The following WHRN variants were observed in gnomAD, a reference collection of about 807,000 sequenced individuals.
WHRN encodes CASK-interacting protein CIP98.
A neutral mutation model predicts 68.3 loss-of-function variants in WHRN; 41 were observed. The ratio of observed to expected loss-of-function variants is 0.60; its 90% CI spans 0.47 to 0.78. The LOEUF (loss-of-function observed/expected upper bound fraction) is 0.78, where lower values mean the gene tolerates loss of function less well. Ranked by LOEUF, WHRN falls within the 30% of genes least tolerant of loss-of-function variation. WHRN has a pLI of 0.00. For synonymous variants in WHRN, 560 were observed against 561.3 expected (o/e 1.00, Z 0.03); for missense variants, 1,243 against 1,244.7 (o/e 1.00, Z 0.02).
At chr9:114,438,903 C>T (rs1421581762) in intron 3 of WHRN, among the ~76,000 whole-genome samples, 3 of 152,214 alleles carry the variant, frequency 2.0e-5, no homozygotes, top group Middle Eastern at 3.4e-3. Flanking sequence ...GGTTGGATAA[C>T]GTATGGTACA....
chr9:114,431,379 T>A (rs1837407469), intron 3 of WHRN, among the ~76,000 whole-genome samples: 1 of 152,178 alleles, frequency 6.6e-6, no homozygotes, highest in Admixed American at 6.5e-5. Context: ...AGGAGACAGG[T>A]TCAGAGATGT....
chr9:114,412,234 A>C (rs909404709), intron 7 of WHRN, among the ~76,000 whole-genome samples: 2 of 152,250 alleles, frequency 1.3e-5, no homozygotes, highest in African/African-American at 4.8e-5. Context: ...ATAGCTGCAG[A>C]CAGCCGGCTA....
intron 11 of WHRN, 108 bp downstream of exon 11, chr9:114,403,109 T>C: frequency 6.4e-7 from 1 of 1,560,672 alleles, no homozygotes; most frequent in Non-Finnish European, 8.8e-7. Context: ...AGCCTAGGTC[T>C]GCCCTTGAGT....
intron 2 of WHRN, among the ~76,000 whole-genome samples, chr9:114,473,698 C>A (rs1046558226): frequency 6.6e-6 from 1 of 152,196 alleles, no homozygotes; most frequent in African/African-American, 2.4e-5. Flanking sequence ...AACCCCATCT[C>A]CAATAAATAT....
rs1012213290 is a variant in WHRN at position 114,423,530 on chromosome 9, G to T, written c.1417-7C>A. 1 of 1,602,562 alleles carries T rather than the reference G, an allele frequency of 6.2e-7. No individual in the cohort carries two copies. The highest frequency in any genetic ancestry group is 1.7e-5 in the Admixed American group (1 of 59,416). ...CCTCAGAGAGGAGTGAGAACTGGAG[G>T]CGGGGACAAAAGGGGCACTCAGCAG... On this transcript the variant is annotated splice_region_variant and splice_polypyrimidine_tract_variant and intron_variant, in intron 6 of 11. Transcript: ENST00000362057.
chr9:114,461,129 G>A (rs1338908941), intron 3 of WHRN, among the ~76,000 whole-genome samples: 1 of 152,170 alleles, frequency 6.6e-6, no homozygotes, highest in Non-Finnish European at 1.5e-5. Flanking sequence ...GCAACTGAGA[G>A]GCAAACTAAA....
intron 1 of WHRN, among the ~76,000 whole-genome samples, chr9:114,501,840 G>T (rs1374038137): frequency 6.6e-6 from 1 of 152,162 alleles, no homozygotes; most frequent in Admixed American, 6.5e-5. Context: ...TACAAAGAAC[G>T]GCTCCCCGTG....
intron 10 of WHRN, 29 bp downstream of exon 10, chr9:114,403,867 C>T: frequency 6.2e-7 from 1 of 1,608,358 alleles, no homozygotes; most frequent in South Asian, 1.1e-5. Flanking sequence ...TTCCTCTCAG[C>T]CCTCTGCATC....
chr9:114,426,299 C>A lies in WHRN; in HGVS notation c.1078G>T (p.Gly360Trp). Reference protein sequence around the residue: ...RHLILTVKDVGRLPHARTTVD... With the variant: ...RHLILTVKDVWRLPHARTTVD... ...GTGGTGCGGGCATGGGGCAGCCTCC[C>A]GACGTCCTTCACTGTCAGGATGAGG... Residue 360 changes from glycine to tryptophan, a missense_variant, in exon 4 of 12, where the codon GGG (glycine) becomes TGG (tryptophan). Physicochemically the swap from Gly to Trp is radical, Grantham distance 184. Coordinates refer to ENST00000362057, the MANE Select transcript of WHRN (RefSeq NM_015404.4). 6.2e-7 allele frequency: 1 copy of A among 1,613,642 alleles called. No homozygotes were observed. The highest frequency in any genetic ancestry group is 8.5e-7 in the Non-Finnish European group (1 of 1,180,032).
chr9:114,423,215 G>T (rs1836472463), intron 7 of WHRN, 99 bp downstream of exon 7: 1 of 1,235,578 alleles, frequency 8.1e-7, no homozygotes, highest in Non-Finnish European at 1.2e-6. Flanking sequence ...GCTGGTAAGT[G>T]GTGGTGCTGG....
At chr9:114,431,532 A>G (rs1397415517) in intron 3 of WHRN, among the ~76,000 whole-genome samples, 1 of 152,216 alleles carries the variant, frequency 6.6e-6, no homozygotes, top group African/African-American at 2.4e-5. Flanking sequence ...TGCTTAGGAA[A>G]TAGTGAATGG....
At chr9:114,480,549 T>C (rs993670950) in intron 1 of WHRN, among the ~76,000 whole-genome samples, 13 of 152,122 alleles carry the variant, frequency 8.5e-5, no homozygotes, top group African/African-American at 2.9e-4. Flanking sequence ...AGTCTGAAAG[T>C]GGGCCCTCAC....
intron 3 of WHRN, among the ~76,000 whole-genome samples, chr9:114,427,060 T>C (rs1169166011): frequency 6.6e-6 from 1 of 152,188 alleles, no homozygotes; most frequent in Non-Finnish European, 1.5e-5. Flanking sequence ...AGCCCAGTAG[T>C]TGCAGACCAG....
rs190128021 is a variant in WHRN at position 114,425,922 on chromosome 9, G to A, written c.1166+289C>T. 83 of 474,758 alleles carry A rather than the reference G, an allele frequency of 1.7e-4. No individual in the cohort carries two copies. The East Asian group carries it at 3.5e-3, about 20-fold the overall frequency. The allele number at this position is 474,758 out of a possible 1,614,324, so 29.4% of individuals were successfully genotyped here. ...AGATCTGGGATGAGGGCAGGGTTATGGTCCCCACTTTTTGGATGAAGCAAC... is the reference window on the plus strand; with the variant it reads ...AGATCTGGGATGAGGGCAGGGTTATAGTCCCCACTTTTTGGATGAAGCAAC... On this transcript the variant is annotated intron_variant, in intron 4 of 11. Transcript: ENST00000362057.
At chr9:114,439,368 TCA>T (rs1414867075) in intron 3 of WHRN, among the ~76,000 whole-genome samples, 2 of 152,154 alleles carry the variant, frequency 1.3e-5, no homozygotes, top group East Asian at 3.8e-4. Context: ...CCATAAACCC[TCA>T]GTTTAAGGAC....
intron 2 of WHRN, 112 bp downstream of exon 2, chr9:114,478,441 A>T: frequency 8.4e-7 from 1 of 1,184,606 alleles, no homozygotes; most frequent in Non-Finnish European, 1.3e-6. Context: ...GGGAAGACAG[A>T]GCCTGGACAG....
At chr9:114,413,476 G>C (rs369823937) in intron 7 of WHRN, among the ~76,000 whole-genome samples, 1 of 152,174 alleles carries the variant, frequency 6.6e-6, no homozygotes, top group African/African-American at 2.4e-5. Context: ...CCAGAGTGAA[G>C]GGTCAGGGGC....
chr9:114,464,976 C>A (rs1840556252), intron 3 of WHRN, among the ~76,000 whole-genome samples: 2 of 152,066 alleles, frequency 1.3e-5, no homozygotes, highest in Non-Finnish European at 2.9e-5. Flanking sequence ...AATCAAAGAT[C>A]AAGATGCCAG....
chr9:114,424,392 C>T lies in WHRN; in HGVS notation c.1358G>A (p.Ser453Asn), dbSNP rs1406124868. 1 of 1,612,748 alleles carries T rather than the reference C, an allele frequency of 6.2e-7. No individual in the cohort carries two copies. Among genetic ancestry groups the T allele is most frequent in the East Asian group, 2.2e-5 (1 of 44,876 alleles). The change falls in exon 6 of 12, where the codon AGC becomes AAC. Residue 453 changes from serine (S) to asparagine (N), a missense_variant. Coordinates refer to ENST00000362057, the MANE Select transcript of WHRN (RefSeq NM_015404.4). The stretch of plus-strand genomic sequence containing the variant: ...CATGACGAGGGCCTCCACAGAGACG[C>T]TGCCACCACGGTACTCATCCAGGTA... The part of the protein sequence containing the change: ...AYYLDEYRGG[S>N]VSVEALVMAL...
Sources: allele counts gnomAD v4.1 joint callset (sites outside exome capture counted in the v4.1 genomes callset), GRCh38; gene constraint gnomAD v4.1.1; transcripts MANE v1.5; gene names NCBI Gene and HGNC (gene_info 2026-07-23, HGNC 2026-07-21).